FSAF1: variants seen among roughly 807,000 people sequenced by gnomAD.
FSAF1 encodes the protein uncharacterized protein C1orf131.
chr1:231,239,059 T>C, the FSAF1 span: 2 of 1,614,216 alleles, frequency 1.2e-6, no homozygotes, highest in Non-Finnish European at 8.5e-7. Context: ...GCTCTTCCTC[T>C]GGCCTCTTAT....
At chr1:231,240,174 T>C in the FSAF1 span, among the ~76,000 whole-genome samples, 1 of 152,246 alleles carries the variant, frequency 6.6e-6, no homozygotes, top group African/African-American at 2.4e-5. This position sits in a 1 kb window ranked among gnomAD's most constrained non-coding sequence, Gnocchi z 4.1. Context: ...ACAGTGTCTA[T>C]TTCATGAAGT....
the FSAF1 span, chr1:231,225,351 A>G: frequency 2.3e-6 from 2 of 888,524 alleles, no homozygotes; most frequent in East Asian, 2.4e-5. Flanking sequence ...AGGATAAATG[A>G]GAGACAGTGA....
chr1:231,239,677 G>A, the FSAF1 span, among the ~76,000 whole-genome samples: 1 of 152,128 alleles, frequency 6.6e-6, no homozygotes, highest in Non-Finnish European at 1.5e-5. Context: ...TATTTCACTT[G>A]TTGAAGCTCT....
the FSAF1 span, chr1:231,238,941 C>A: frequency 6.2e-7 from 1 of 1,613,986 alleles, no homozygotes; most frequent in Non-Finnish European, 8.5e-7. Context: ...CCCTATTGTT[C>A]TTTAGGGAAG....
At chr1:231,237,897 T>C in the FSAF1 span, 1 of 152,222 alleles carries the variant, frequency 6.6e-6, no homozygotes, top group Non-Finnish European at 1.5e-5. Context: ...TTAAAAACAT[T>C]TGGGGCCAGG....
At chr1:231,227,790 C>A in the FSAF1 span, among the ~76,000 whole-genome samples, 1 of 151,026 alleles carries the variant, frequency 6.6e-6, no homozygotes, top group Admixed American at 6.6e-5. Flanking sequence ...GGGGTTTCAC[C>A]GTGTTAGCCA....
At chr1:231,227,476 T>C in the FSAF1 span, among the ~76,000 whole-genome samples, 2 of 151,866 alleles carry the variant, frequency 1.3e-5, no homozygotes, top group African/African-American at 4.8e-5. Flanking sequence ...GGTCTCACTA[T>C]GTTGCCCAGA....
chr1:231,238,954 G>A, the FSAF1 span: 2 of 1,614,162 alleles, frequency 1.2e-6, no homozygotes, highest in Non-Finnish European at 1.7e-6. Flanking sequence ...TAGGGAAGAG[G>A]GAGGAACTGC....
At chr1:231,229,118 T>C in the FSAF1 span, 3 of 1,284,630 alleles carry the variant, frequency 2.3e-6, no homozygotes, top group Non-Finnish European at 3.3e-6. Flanking sequence ...TAAAGTTAAT[T>C]ATAAATAATT....
chr1:231,229,220 A>G, the FSAF1 span: 1 of 1,551,116 alleles, frequency 6.4e-7, no homozygotes, highest in South Asian at 1.2e-5. Context: ...CTGAGAGAAA[A>G]AATTCTTATT....
the FSAF1 span, among the ~76,000 whole-genome samples, chr1:231,227,714 G>A: frequency 1.4e-5 from 2 of 147,452 alleles, no homozygotes; most frequent in East Asian, 2.1e-4. Flanking sequence ...TCAGCCTCCC[G>A]AGTAGCTGGG....
At chr1:231,238,395 A>T in the FSAF1 span, 2 of 156,178 alleles carry the variant, frequency 1.3e-5, no homozygotes, top group African/African-American at 4.8e-5. Flanking sequence ...GCTAGCACAT[A>T]ACAGGAATGC....
the FSAF1 span, chr1:231,225,302 T>C: frequency 8.1e-6 from 5 of 618,170 alleles, no homozygotes; most frequent in South Asian, 8.7e-5. Flanking sequence ...CTCAGGCAGT[T>C]GTTTGATCTT....
chr1:231,224,535 C>G, the FSAF1 span: 1 of 960,304 alleles, frequency 1.0e-6, no homozygotes, highest in Non-Finnish European at 1.5e-6. Flanking sequence ...CCATGCACAC[C>G]CCCCACCCCA....
the FSAF1 span, chr1:231,225,950 T>G: frequency 6.2e-6 from 1 of 160,376 alleles, no homozygotes; most frequent in African/African-American, 2.6e-5. Context: ...CCCCTTGTGG[T>G]TTTTCATAGG....
At chr1:231,234,812 G>T in the FSAF1 span, among the ~76,000 whole-genome samples, 1 of 152,012 alleles carries the variant, frequency 6.6e-6, no homozygotes, top group African/African-American at 2.4e-5. This position sits in a 1 kb window ranked among gnomAD's most constrained non-coding sequence, Gnocchi z 4.0. Flanking sequence ...CCAGCTCCTT[G>T]AACACACCAG....
At chr1:231,231,558 G>T in the FSAF1 span, among the ~76,000 whole-genome samples, 1 of 152,124 alleles carries the variant, frequency 6.6e-6, no homozygotes, top group Admixed American at 6.5e-5. Flanking sequence ...GGAGTGCAGT[G>T]GCGCGAGGCA....
the FSAF1 span, chr1:231,225,822 CAGTT>C: frequency 2.7e-6 from 1 of 364,088 alleles, no homozygotes; most frequent in Admixed American, 3.9e-5. Flanking sequence ...GATCCTGTCT[CAGTT>C]AGAAAGAAAA....
the FSAF1 span, chr1:231,224,233 C>CA: frequency 6.3e-7 from 1 of 1,578,914 alleles, no homozygotes; most frequent in Non-Finnish European, 8.6e-7. Flanking sequence ...AGGGCCGCTG[C>CA]AGTTGACTCA....
Sources: allele counts gnomAD v4.1 joint callset (sites outside exome capture counted in the v4.1 genomes callset), GRCh38; gene constraint gnomAD v4.1.1; non-coding constraint Gnocchi (gnomAD v3.1); transcripts MANE v1.5; gene names NCBI Gene and HGNC (gene_info 2026-07-23, HGNC 2026-07-21).